Variants in ENAH observed in about 807,000 individuals in gnomAD.
ENAH encodes ENAH actin regulator.
In ENAH, 23 loss-of-function variants were observed where a neutral mutation model predicts 78.7. The ratio of observed to expected loss-of-function variants is 0.29; its 90% confidence interval spans 0.21 to 0.41. The LOEUF (loss-of-function observed/expected upper bound fraction) is 0.41, where lower values mean the gene tolerates loss of function less well. ENAH is among the 10% of genes least tolerant of loss of function. ENAH has a pLI of 1.00. For missense variants in ENAH, 544 were observed against 691.0 expected, an observed-to-expected ratio of 0.79 and a Z score of 2.39; for synonymous variants, 226 against 241.0, an observed-to-expected ratio of 0.94 and a Z score of 0.58.
At position 225,491,805 on chromosome 1, in the gene ENAH, G is replaced by A. The variant is rs1214685322; in HGVS notation, c.*5970C>T. On this transcript the variant is annotated 3_prime_UTR_variant, in exon 14 of 14. Coordinates refer to ENST00000366843, the MANE Select transcript of ENAH (RefSeq NM_018212.6). ...ATTCTCGATTTTCTAAGCCTTCTTA[G>A]AAGAATAACTATTTACTAAAACCCA... 1.3e-5 allele frequency: 2 copies of A among 152,148 alleles called. No individual in the cohort carries two copies. Among genetic ancestry groups the A allele is most frequent in the African/African-American group, 2.4e-5 (1 of 41,442 alleles). The allele number at this position is 152,148 out of a possible 1,614,324, so 9.4% of individuals were successfully genotyped here.
chr1:225,633,582 C>T (rs1659511428), intron 1 of ENAH, among the ~76,000 whole-genome samples: 1 of 152,176 alleles, frequency 6.6e-6, no homozygotes, highest in South Asian at 2.1e-4. Context: ...CATTTATCTA[C>T]TGTATGACTC....
intron 1 of ENAH, among the ~76,000 whole-genome samples, chr1:225,628,880 T>C (rs1230659742): frequency 1.5e-5 from 2 of 137,750 alleles, no homozygotes; most frequent in East Asian, 4.2e-4. Flanking sequence ...CACTCCAACC[T>C]GGGCAACAAG....
intron 1 of ENAH, among the ~76,000 whole-genome samples, chr1:225,629,931 G>A (rs1183836681): frequency 4.6e-5 from 7 of 152,116 alleles, no homozygotes; most frequent in Non-Finnish European, 1.0e-4. Flanking sequence ...AACAGCAAGT[G>A]TACCTTCCTA....
In ENAH at chr1:225,488,799, TCTGA is replaced by T. The variant is rs1011796760; in HGVS notation, c.*8972_*8975del. On this transcript the variant is annotated 3_prime_UTR_variant, in exon 14 of 14. Coordinates refer to ENST00000366843, the MANE Select transcript of ENAH (RefSeq NM_018212.6). ...ATCATCCCAAACTGCTATTTCCATC[TCTGA>T]CTTTCTGCCAAATTATCTTTATCTT... 6 of 152,192 alleles carry T rather than the reference TCTGA, an allele frequency of 3.9e-5. No homozygotes were observed. The highest frequency in any genetic ancestry group is 6.5e-5 in the Admixed American group (1 of 15,282). 9.4% of individuals were successfully genotyped at this position (152,192 alleles called of 1,614,324 possible). A position where few individuals can be genotyped will look rare whatever the true frequency, so the allele number is the denominator to read the frequency against.
At position 225,606,253 on chromosome 1, in the gene ENAH, G is replaced by A. The variant is rs151176129; in HGVS notation, c.6-38839C>T. Among the ~76,000 whole-genome samples, 1,288 of 152,144 alleles carry A rather than the reference G, an allele frequency of 8.5e-3. 18 individuals are homozygous for A. The highest frequency in any genetic ancestry group is 0.029 in the African/African-American group (1,216 of 41,498). On this transcript the variant is annotated intron_variant, in intron 1 of 13. Transcript: ENST00000366843. The stretch of plus-strand genomic sequence containing the variant: ...GAGGCAGGTGGATCATCTGAGTTCA[G>A]GAGTTCGAGACCAGCCTGGCCAACA...
At position 225,652,752 on chromosome 1, in the gene ENAH, G is replaced by C. The variant is rs376583227; in HGVS notation, c.-62C>G. 1.4e-4 allele frequency: 181 copies of C among 1,291,064 alleles called. No individual in the cohort carries two copies. In the East Asian group the frequency reaches 1.6e-3, roughly 11 times the overall value. 80.0% of individuals were successfully genotyped at this position (1,291,064 alleles called of 1,614,324 possible). A position where few individuals can be genotyped will look rare whatever the true frequency, so the allele number is the denominator to read the frequency against. On this transcript the variant is annotated 5_prime_UTR_variant, in exon 1 of 14. Coordinates refer to ENST00000366843, the MANE Select transcript of ENAH (RefSeq NM_018212.6). Reference sequence around the variant, plus strand: ...AGACGCAGAAGGCGCCGAGCCGAGGGGGGGGTCTCTCCTCCAGGGGTGGGG... The same window carrying C: ...AGACGCAGAAGGCGCCGAGCCGAGGCGGGGGTCTCTCCTCCAGGGGTGGGG...
At chr1:225,547,098 G>C (rs1210995815) in intron 3 of ENAH, among the ~76,000 whole-genome samples, 1 of 151,220 alleles carries the variant, frequency 6.6e-6, no homozygotes, top group Non-Finnish European at 1.5e-5. Context: ...TTGAGACGGA[G>C]TCTCACTCTG....
chr1:225,519,234 G>C lies in ENAH; in HGVS notation c.766C>G (p.Leu256Val), dbSNP rs1348831751. The C allele has an allele frequency of 6.2e-7, 1 of 1,614,186 alleles. No homozygotes were observed. The highest frequency in any genetic ancestry group is 1.7e-5 in the Admixed American group (1 of 60,020). ...ERQEQLEREQ[L>V]EWERERRISS... ...ATTCTGCGCTCTCTCTCCCATTCCA[G>C]CTGTTCCCTTTCTAACTGCTCTTGT... The change falls in exon 5 of 14, where the codon CTG (leucine) becomes GTG (valine). Residue 256 changes from leucine to valine, a missense_variant. By Grantham distance (32) the Leu-to-Val change is conservative. This residue lies in a region of ENAH where 366 missense variants were observed against 396.1 expected (regional missense o/e 0.92). Transcript: ENST00000366843.
chr1:225,568,814 A>C (rs1381197205), intron 1 of ENAH, among the ~76,000 whole-genome samples: 1 of 152,216 alleles, frequency 6.6e-6, no homozygotes, highest in African/African-American at 2.4e-5. Context: ...AGGCCTAAAA[A>C]GGTCACAGCA....
At chr1:225,609,291 CAAAT>C (rs981178501) in intron 1 of ENAH, among the ~76,000 whole-genome samples, 1 of 151,332 alleles carries the variant, frequency 6.6e-6, no homozygotes, top group Non-Finnish European at 1.5e-5. Flanking sequence ...GCATGGAAAA[CAAAT>C]AAACACAAAG....
intron 1 of ENAH, among the ~76,000 whole-genome samples, chr1:225,607,008 T>C (rs115855949): frequency 0.012 from 1,816 of 152,138 alleles, 20 homozygotes; most frequent in Non-Finnish European, 0.019. Context: ...CTCACCACAA[T>C]AGCTCACCTT....
chr1:225,502,438 C>CT (rs1426689164), intron 11 of ENAH, among the ~76,000 whole-genome samples: 1 of 152,162 alleles, frequency 6.6e-6, no homozygotes, highest in African/African-American at 2.4e-5. Flanking sequence ...TCTCAAACTC[C>CT]TGACTTCATG....
rs562391845 is a variant in ENAH, at chr1:225,637,210, G to T, written c.5+15476C>A. On this transcript the variant is annotated intron_variant, in intron 1 of 13. Coordinates refer to ENST00000366843, the MANE Select transcript of ENAH (RefSeq NM_018212.6). ...GTAGATTTTTTTTTTGTTTTCTGTTGTTGTTGCTTGGTTGTGAGACAGGGT... is the reference window on the plus strand; with the variant it reads ...GTAGATTTTTTTTTTGTTTTCTGTTTTTGTTGCTTGGTTGTGAGACAGGGT... Among the ~76,000 whole-genome samples the T allele has an allele frequency of 9.9e-5, 15 of 152,032 alleles. No homozygotes were observed. In the South Asian group the frequency reaches 1.0e-3, roughly 11 times the overall value.
rs558262546 is a variant in ENAH, at chr1:225,493,681, A to G, written c.*4094T>C. ...GGAAAGTGAATTTTATGATAGCTAC[A>G]TAAAGGAATTAAGAGCTCCTGCAGA... On this transcript the variant is annotated 3_prime_UTR_variant, in exon 14 of 14. Transcript: ENST00000366843. 4 of 152,334 alleles carry G rather than the reference A, an allele frequency of 2.6e-5. No individual in the cohort carries two copies. Among genetic ancestry groups the G allele is most frequent in the Admixed American group, 2.6e-4 (4 of 15,306 alleles). 9.4% of individuals were successfully genotyped at this position (152,334 alleles called of 1,614,324 possible). A position where few individuals can be genotyped will look rare whatever the true frequency, so the allele number is the denominator to read the frequency against.
intron 1 of ENAH, among the ~76,000 whole-genome samples, chr1:225,615,735 A>G (rs1255368480): frequency 7.5e-6 from 1 of 133,810 alleles, no homozygotes; most frequent in African/African-American, 2.9e-5. Flanking sequence ...CCCGACCGCC[A>G]CCCCGTCTGG....
chr1:225,641,838 T>C (rs974356894), intron 1 of ENAH, among the ~76,000 whole-genome samples: 1 of 152,086 alleles, frequency 6.6e-6, no homozygotes, highest in South Asian at 2.1e-4. Flanking sequence ...CCGGCCAACA[T>C]GGTGAAACCC....
chr1:225,614,853 G>A (rs1308564231), intron 1 of ENAH, among the ~76,000 whole-genome samples: 1 of 152,168 alleles, frequency 6.6e-6, no homozygotes, highest in Non-Finnish European at 1.5e-5. Flanking sequence ...TTTTCACTCA[G>A]AAACCTGTCT....
chr1:225,581,346 T>C, intron 1 of ENAH: 1 of 957,718 alleles, frequency 1.0e-6, no homozygotes, highest in African/African-American at 1.8e-5. Context: ...GAGTTAAAAA[T>C]ATCAAGTGTG....
intron 2 of ENAH, among the ~76,000 whole-genome samples, chr1:225,557,517 A>G (rs1251598257): frequency 1.3e-5 from 2 of 152,182 alleles, no homozygotes; most frequent in African/African-American, 4.8e-5. Context: ...TCTCAATTAA[A>G]CCGTTAAAAG....
Sources: allele counts gnomAD v4.1 joint callset (sites outside exome capture counted in the v4.1 genomes callset), GRCh38; gene constraint gnomAD v4.1.1; regional missense constraint gnomAD v4.1.1; transcripts MANE v1.5; gene names NCBI Gene and HGNC (gene_info 2026-07-23, HGNC 2026-07-21).